Variants in LRRC43 observed in about 807,000 individuals in gnomAD.
LRRC43 encodes the protein leucine rich repeat containing 43.
Under a neutral mutation model 64.3 loss-of-function variants are expected in LRRC43, and 62 were observed. That is an observed-to-expected ratio of 0.96 (90% CI 0.79 to 1.19). The LOEUF is 1.19. Ranked by LOEUF, LRRC43 falls within the 50% of genes most tolerant of loss-of-function variation. The pLI, the probability that LRRC43 is intolerant of heterozygous loss-of-function variation, is 0.00. For synonymous variants in LRRC43, 422 were observed against 382.3 expected, an observed-to-expected ratio of 1.10 and a Z score of -1.21; for missense variants, 868 against 845.0, an observed-to-expected ratio of 1.03 and a Z score of -0.34.
At chr12:122,196,202 A>G (rs1953771394) in intron 7 of LRRC43, among the ~76,000 whole-genome samples, 1 of 152,236 alleles carries the variant, frequency 6.6e-6, no homozygotes, top group Non-Finnish European at 1.5e-5. Context: ...TTTGTCCAGT[A>G]TAGTCTAGTC....
At chr12:122,181,597 C>A (rs1217502488), upstream of LRRC43, among the ~76,000 whole-genome samples, 1 of 141,660 alleles carries the variant, frequency 7.1e-6, no homozygotes, top group Non-Finnish European at 1.5e-5. Flanking sequence ...CCTTAACTCC[C>A]AGTTTTGGAT....
In LRRC43 at chr12:122,192,871, G is replaced by A. The variant is rs369309986; in HGVS notation, c.1216G>A (p.Val406Met). 48 of 1,613,950 alleles carry A rather than the reference G, an allele frequency of 3.0e-5. No homozygotes were observed. Among genetic ancestry groups the A allele is most frequent in the Non-Finnish European group, 4.0e-5 (47 of 1,180,034 alleles). Residue 406 changes from valine to methionine, a missense_variant, in exon 7 of 12, where the codon GTG becomes ATG. Coordinates refer to ENST00000339777, the MANE Select transcript of LRRC43 (RefSeq NM_001098519.2). ...EEVEGSLESE[V>M]EESGESELSV... Reference sequence around the variant, plus strand: ...GGTCGAAGGGTCTCTGGAGTCTGAGGTGGAGGAGTCAGGAGAGTCGGAGCT... The same window carrying A: ...GGTCGAAGGGTCTCTGGAGTCTGAGATGGAGGAGTCAGGAGAGTCGGAGCT...
In LRRC43 at chr12:122,184,517, A is replaced by G; in HGVS notation, c.151-2A>G. The G allele has an allele frequency of 6.2e-7, 1 of 1,612,848 alleles. No individual in the cohort carries two copies. On this transcript the variant is annotated splice_acceptor_variant, in intron 1 of 11. Transcript: ENST00000339777. LOFTEE classifies it high-confidence loss of function. This position sits in a 1 kb window ranked among gnomAD's most constrained non-coding sequence, Gnocchi z 4.0. ...CAGAAAATCCCTCCTCTGCCACTGC[A>G]GAATAAGTCGCGCTTTCTTCCTCAA...
intron 1 of LRRC43, chr12:122,172,549 G>A (rs1953495508): frequency 6.2e-7 from 1 of 1,614,016 alleles, no homozygotes; most frequent in African/African-American, 1.3e-5. Flanking sequence ...TTTGTTTCTG[G>A]TGCATCTTGA....
intron 1 of LRRC43, chr12:122,167,812 TA>T: frequency 7.4e-6 from 1 of 135,290 alleles, no homozygotes; most frequent in Non-Finnish European, 1.6e-5. Flanking sequence ...TGAATTTTTT[TA>T]AAAAGTTTTT....
chr12:122,173,725 C>T, intron 1 of LRRC43: 2 of 847,600 alleles, frequency 2.4e-6, no homozygotes, highest in Non-Finnish European at 3.8e-6. Flanking sequence ...TAGTTTCCCC[C>T]ATCCCTTCCT....
Position 122,187,687 on chromosome 12 carries a change from G to A in LRRC43, c.523-14G>A, listed in dbSNP as rs753161019. ...GGGGCCCCATCGTCCCGGGCCTTCC[G>A]TGTGGTCTCCCAGGTGCTGGAGCTC... is the stretch of plus-strand genomic sequence containing the variant. On this transcript the variant is annotated splice_polypyrimidine_tract_variant and intron_variant, in intron 3 of 11. Transcript: ENST00000339777. The A allele has an allele frequency of 7.4e-6, 12 of 1,612,196 alleles. No homozygotes were observed. The highest frequency in any genetic ancestry group is 2.2e-5 in the South Asian group (2 of 91,082).
At chr12:122,189,662 C>T (rs1482598618) in intron 4 of LRRC43, 1 of 367,064 alleles carries the variant, frequency 2.7e-6, no homozygotes, top group Non-Finnish European at 5.4e-6. Context: ...TCTAGACCGC[C>T]CAGCCCTCCA....
At chr12:122,189,964 A>G (rs1420859235) in intron 4 of LRRC43, 166 bp from the exon 5 acceptor site, 1 of 685,896 alleles carries the variant, frequency 1.5e-6, no homozygotes, top group Non-Finnish European at 2.6e-6. Flanking sequence ...AGAGCCAGGC[A>G]CTCGTTCCCG....
upstream of LRRC43, among the ~76,000 whole-genome samples, chr12:122,181,133 G>A (rs1006812902): frequency 2.0e-5 from 3 of 151,780 alleles, no homozygotes; most frequent in African/African-American, 7.3e-5. Flanking sequence ...TGGGAGGACC[G>A]CTTCAGTTCA....
rs764450121 is a variant in LRRC43 at position 122,187,853 on chromosome 12, C to T, written c.662+13C>T. ...CCGCTAATCACTGGTAACTCGGGAG[C>T]CCAGATGGAAAGTGAGAGGGAGGGA... On this transcript the variant is annotated intron_variant, in intron 4 of 11. Coordinates refer to ENST00000339777, the MANE Select transcript of LRRC43 (RefSeq NM_001098519.2). 1.9e-6 allele frequency: 3 copies of T among 1,613,498 alleles called. No homozygotes were observed. Among genetic ancestry groups the T allele is most frequent in the Non-Finnish European group, 1.7e-6 (2 of 1,179,612 alleles).
At chr12:122,183,380 G>A (rs1293237340) in intron 1 of LRRC43, 86 bp downstream of exon 1, 13 of 1,337,926 alleles carry the variant, frequency 9.7e-6, no homozygotes, top group Middle Eastern at 2.7e-4. Context: ...GCTGGTCCCT[G>A]GGGCCTGGGA....
rs990260418 is a variant in LRRC43 at position 122,184,872 on chromosome 12, A to C, written c.411+93A>C. 1.4e-6 allele frequency: 2 copies of C among 1,399,790 alleles called. No homozygotes were observed. The highest frequency in any genetic ancestry group is 1.9e-6 in the Non-Finnish European group (2 of 1,026,354). 86.7% of individuals were successfully genotyped at this position (1,399,790 alleles called of 1,614,324 possible). A position where few individuals can be genotyped will look rare whatever the true frequency, so the allele number is the denominator to read the frequency against. Reference sequence around the variant, plus strand: ...CACCCTTCCCCACAGCGCGTCAGGGATCCTGCTTTCAGGGCTGAAACGAAG... The same window carrying C: ...CACCCTTCCCCACAGCGCGTCAGGGCTCCTGCTTTCAGGGCTGAAACGAAG... On this transcript the variant is annotated intron_variant, in intron 2 of 11. Transcript: ENST00000339777. The surrounding 1 kb of genome is among the most constrained non-coding windows in gnomAD (Gnocchi z 4.0).
chr12:122,183,359 G>A lies in LRRC43; in HGVS notation c.150+65G>A, dbSNP rs1953603574. 3.6e-6 allele frequency: 5 copies of A among 1,373,546 alleles called. 1 individual carries two copies. The South Asian group carries it at 8.3e-5, about 23-fold the overall frequency. The allele number at this position is 1,373,546 out of a possible 1,614,324, so 85.1% of individuals were successfully genotyped here. On this transcript the variant is annotated intron_variant, in intron 1 of 11. Coordinates refer to ENST00000339777, the MANE Select transcript of LRRC43 (RefSeq NM_001098519.2). ...GCTGCGGGGAGGCACGGGCCCGGGC[G>A]AGCGGAGCGGGCTGGTCCCTGGGGC...
chr12:122,201,199 C>T, intron 10 of LRRC43, 97 bp from the exon 11 acceptor site: 1 of 1,256,306 alleles, frequency 8.0e-7, no homozygotes, highest in South Asian at 1.2e-5. Flanking sequence ...CTTCCTGGAC[C>T]TGTCAGAGCC....
chr12:122,195,718 G>C (rs1027448300), intron 7 of LRRC43, among the ~76,000 whole-genome samples: 2 of 152,126 alleles, frequency 1.3e-5, no homozygotes, highest in African/African-American at 4.8e-5. Context: ...TCTGGGTATG[G>C]ATGTGTTTGC....
chr12:122,200,833 G>A lies in LRRC43; in HGVS notation c.1708G>A (p.Val570Met), dbSNP rs574329414. ...CCTCCAGGTGCTGGGCCGGGGCCTG[G>A]TGATCCTGGAGCCCCTGCTCGCCGG... The part of the protein sequence containing the change: ...PILQVLGRGL[V>M]ILEPLLAGEP... The change falls in exon 10 of 12, where the codon GTG (valine) becomes ATG (methionine). Residue 570 changes from valine to methionine, a missense_variant. Physicochemically the swap from Val to Met is conservative, Grantham distance 21. Transcript: ENST00000339777. The surrounding 1 kb of genome is among the most constrained non-coding windows in gnomAD (Gnocchi z 4.6). The A allele has an allele frequency of 2.5e-6, 4 of 1,613,238 alleles. No homozygotes were observed. The highest frequency in any genetic ancestry group is 3.4e-6 in the Non-Finnish European group (4 of 1,180,004).
intron 1 of LRRC43, among the ~76,000 whole-genome samples, chr12:122,176,956 G>A (rs533671548): frequency 6.6e-6 from 1 of 152,032 alleles, no homozygotes; most frequent in South Asian, 2.1e-4. Context: ...TCCCCCTGCC[G>A]CCAGCCACCA....
chr12:122,199,821 C>T (rs1953814264), intron 7 of LRRC43, among the ~76,000 whole-genome samples: 1 of 151,944 alleles, frequency 6.6e-6, no homozygotes, highest in Non-Finnish European at 1.5e-5. Context: ...TTGGTTCAGG[C>T]GATCCTCCTG....
Sources: gnomAD v4.1 joint callset for allele counts (sites outside exome capture counted in the v4.1 genomes callset) on GRCh38, gnomAD v4.1.1 for gene constraint, Gnocchi (gnomAD v3.1) non-coding constraint, MANE v1.5 for transcripts, NCBI Gene and HGNC (gene_info 2026-07-23, HGNC 2026-07-21) for gene names.